Variants in NAV1 observed in about 807,000 individuals in gnomAD.
NAV1 encodes pore membrane and/or filament interacting like protein 3.
In NAV1, 18 loss-of-function variants were observed where a neutral mutation model predicts 175.2. That is an observed-to-expected ratio of 0.10 (90% CI 0.07 to 0.15). The LOEUF (loss-of-function observed/expected upper bound fraction) is 0.15, where lower values mean the gene tolerates loss of function less well. Among genes scored for constraint, NAV1 ranks in the 10% least tolerant of loss-of-function variants. NAV1 has a pLI of 1.00. For synonymous variants in NAV1, 897 were observed against 978.7 expected (o/e 0.92, Z 1.56); for missense variants, 1,731 against 2,436.6 (o/e 0.71, Z 6.10).
At chr1:201,760,296 G>A (rs534303867) in intron 3 of NAV1, among the ~76,000 whole-genome samples, 7 of 152,240 alleles carry the variant, frequency 4.6e-5, no homozygotes, top group African/African-American at 1.7e-4. Context: ...GTGAAACCCC[G>A]TCTCTACCAA....
intron 1 of NAV1, among the ~76,000 whole-genome samples, chr1:201,706,862 T>A (rs1257918455): frequency 6.6e-6 from 1 of 152,216 alleles, no homozygotes; most frequent in Non-Finnish European, 1.5e-5. Context: ...CTTGGGGAAA[T>A]TTGACTGCCG....
At position 201,810,845 on chromosome 1, in the gene NAV1, T is replaced by G; in HGVS notation, c.4797+87T>G. ...TCCTCGGCCCCTTCCTGCCTCATTG[T>G]TCCCTTTTCCTCACCTCTGCCTTCA... On this transcript the variant is annotated intron_variant, in intron 24 of 29. Transcript: ENST00000367296. The surrounding 1 kb of genome is among the most constrained non-coding windows in gnomAD (Gnocchi z 6.0). 1.1e-6 allele frequency: 1 copy of G among 933,594 alleles called. No individual in the cohort carries two copies. The highest frequency in any genetic ancestry group is 1.7e-6 in the Non-Finnish European group (1 of 603,460). The allele number at this position is 933,594 out of a possible 1,614,324, so 57.8% of individuals were successfully genotyped here.
rs71138346 is a variant in NAV1 at position 201,684,475 on chromosome 1, C to CTTTTTT, written c.758-28330_758-28325dup. ...TCTAAACTTTCTTCCTTTATGCAGCCTTTTTTTTTTTTTTTTTAGACAGAG... is the reference window on the plus strand; with the variant it reads ...TCTAAACTTTCTTCCTTTATGCAGCCTTTTTTTTTTTTTTTTTTTTTTTAGACAGAG... On this transcript the variant is annotated intron_variant, in intron 1 of 29. Transcript: ENST00000367296. Among the ~76,000 whole-genome samples the CTTTTTT allele has an allele frequency of 2.9e-4, 37 of 127,838 alleles. 1 individual carries two copies. Among genetic ancestry groups the CTTTTTT allele is most frequent in the African/African-American group, 1.0e-3 (35 of 34,132 alleles). 83.9% of individuals were successfully genotyped at this position (127,838 alleles called of 152,430 possible). A position where few individuals can be genotyped will look rare whatever the true frequency, so the allele number is the denominator to read the frequency against.
upstream of NAV1, among the ~76,000 whole-genome samples, chr1:201,622,724 C>T (rs1222702293): frequency 1.3e-5 from 2 of 152,144 alleles, no homozygotes; most frequent in Non-Finnish European, 2.9e-5. Context: ...ACAATGCGAA[C>T]CAGGAGTGCC....
At chr1:201,617,264 TAAAC>T (rs775883229) in intron 2 of NAV1, among the ~76,000 whole-genome samples, 14 of 148,128 alleles carry the variant, frequency 9.5e-5, no homozygotes, top group East Asian at 4.0e-4. Context: ...CACACACACA[TAAAC>T]ACACACACAC....
At chr1:201,816,967 C>A in intron 28 of NAV1, 121 bp from the exon 33 acceptor site, 1 of 834,334 alleles carries the variant, frequency 1.2e-6, no homozygotes, top group Non-Finnish European at 1.8e-6. Context: ...AGCCACTGCG[C>A]CTGGCCAGGA....
In NAV1 at chr1:201,595,653, G is replaced by C. The variant is rs560601115; in HGVS notation, c.-33+7004G>C. On this transcript the variant is annotated intron_variant, in intron 2 of 33. Transcript: ENST00000685211. Reference sequence around the variant, plus strand: ...ACAGCAGTGTGCACTGTCACAGCAAGTGGGCTGGGTCTGGGAATTTCAGTT... The same window carrying C: ...ACAGCAGTGTGCACTGTCACAGCAACTGGGCTGGGTCTGGGAATTTCAGTT... Among the ~76,000 whole-genome samples the C allele has an allele frequency of 7.4e-4, 112 of 152,370 alleles. 1 individual carries two copies. Among genetic ancestry groups the C allele is most frequent in the African/African-American group, 2.6e-3 (108 of 41,594 alleles).
intron 14 of NAV1, 34 bp downstream of exon 18, chr1:201,793,909 T>TGTTGGGGGGGGGGGGGCCC: frequency 1.9e-6 from 1 of 516,476 alleles, no homozygotes; most frequent in Non-Finnish European, 3.9e-6. Flanking sequence ...GAGGGGTGGG[T>TGTTGGGGGGGGGGGGGCCC]GCGGCGAGGG....
chr1:201,812,432 C>A lies in NAV1; in HGVS notation c.5025-33C>A. 1 of 1,609,944 alleles carries A rather than the reference C, an allele frequency of 6.2e-7. No individual in the cohort carries two copies. Among genetic ancestry groups the A allele is most frequent in the Non-Finnish European group, 8.5e-7 (1 of 1,177,370 alleles). On this transcript the variant is annotated intron_variant, in intron 26 of 29. Transcript: ENST00000367296. This position sits in a 1 kb window ranked among gnomAD's most constrained non-coding sequence, Gnocchi z 4.6. ...AACCCTGACAATGTCCCCATTGCCACTCTGACCCCACTTTCCCCATCCTTG... is the reference window on the plus strand; with the variant it reads ...AACCCTGACAATGTCCCCATTGCCAATCTGACCCCACTTTCCCCATCCTTG...
At chr1:201,703,633 G>A (rs1184251804) in intron 1 of NAV1, among the ~76,000 whole-genome samples, 1 of 152,212 alleles carries the variant, frequency 6.6e-6, no homozygotes, top group Non-Finnish European at 1.5e-5. Flanking sequence ...GGCTGTGGAG[G>A]TATTGCTTTC....
At chr1:201,644,993 G>A (rs77243707), upstream of NAV1, among the ~76,000 whole-genome samples, 168 of 152,270 alleles carry the variant, frequency 1.1e-3, 2 homozygotes, top group East Asian at 0.03. Context: ...AGTGGACAGA[G>A]CAACAAATGG....
chr1:201,778,891 T>C (rs1393666826), intron 3 of NAV1, among the ~76,000 whole-genome samples: 1 of 152,218 alleles, frequency 6.6e-6, no homozygotes, highest in Admixed American at 6.5e-5. Flanking sequence ...AGCAGCTAAT[T>C]CACACAAAAA....
chr1:201,805,911 A>T (rs921103872), intron 17 of NAV1, among the ~76,000 whole-genome samples: 1 of 151,742 alleles, frequency 6.6e-6, no homozygotes, highest in African/African-American at 2.4e-5. Flanking sequence ...ATAGAGTGAG[A>T]CCCTGTCTCC....
At chr1:201,756,345 C>T (rs1674463856) in intron 3 of NAV1, among the ~76,000 whole-genome samples, 1 of 152,178 alleles carries the variant, frequency 6.6e-6, no homozygotes, top group African/African-American at 2.4e-5. Context: ...ATCATATTTT[C>T]AGACATTTAA....
chr1:201,729,449 T>A (rs1188592125), intron 3 of NAV1, among the ~76,000 whole-genome samples: 4 of 152,088 alleles, frequency 2.6e-5, no homozygotes, highest in African/African-American at 9.6e-5. Flanking sequence ...GAGACCAGCC[T>A]GGCCAACATG....
intron 1 of NAV1, among the ~76,000 whole-genome samples, chr1:201,691,474 T>G (rs1670940116): frequency 6.6e-6 from 1 of 152,172 alleles, no homozygotes; most frequent in Non-Finnish European, 1.5e-5. Flanking sequence ...ACATAGAAAG[T>G]GCAGAGAATG....
At chr1:201,739,844 C>G in intron 3 of NAV1, 1 of 1,255,674 alleles carries the variant, frequency 8.0e-7, no homozygotes, top group Non-Finnish European at 1.0e-6. Flanking sequence ...CAGCTGGAGC[C>G]GTAAGTACAA....
At chr1:201,609,197 C>A (rs753372973) in intron 2 of NAV1, among the ~76,000 whole-genome samples, 4 of 152,224 alleles carry the variant, frequency 2.6e-5, no homozygotes, top group African/African-American at 7.2e-5. Flanking sequence ...CAACCCTACC[C>A]CTCACACATT....
At chr1:201,627,382 C>G (rs1190069085) in intron 1 of NAV1, among the ~76,000 whole-genome samples, 2 of 152,084 alleles carry the variant, frequency 1.3e-5, no homozygotes, top group Non-Finnish European at 2.9e-5. Context: ...AAGCGATCCT[C>G]CTGCCTCAGC....
Sources: allele counts gnomAD v4.1 joint callset (sites outside exome capture counted in the v4.1 genomes callset), GRCh38; gene constraint gnomAD v4.1.1; non-coding constraint Gnocchi (gnomAD v3.1); transcripts MANE v1.5; gene names NCBI Gene and HGNC (gene_info 2026-07-23, HGNC 2026-07-21).